Variants in OPCML observed in about 807,000 individuals in gnomAD.
The protein encoded by OPCML is opioid-binding protein/cell adhesion molecule.
Under a neutral mutation model 37.8 loss-of-function variants are expected in OPCML, and 13 were observed. The observed-to-expected ratio is 0.34, with a 90% CI of 0.22 to 0.55. The LOEUF (loss-of-function observed/expected upper bound fraction) is 0.55, where lower values mean the gene tolerates loss of function less well. Ranked by LOEUF, OPCML falls within the 20% of genes least tolerant of loss-of-function variation. The pLI, the probability that OPCML is intolerant of heterozygous loss-of-function variation, is 0.91. For missense variants in OPCML, 341 were observed against 435.6 expected, an observed-to-expected ratio of 0.78 and a Z score of 1.93; for synonymous variants, 176 against 168.8, an observed-to-expected ratio of 1.04 and a Z score of -0.33.
At chr11:133,041,404 A>G (rs1462700063) in intron 1 of OPCML, among the ~76,000 whole-genome samples, 1 of 152,136 alleles carries the variant, frequency 6.6e-6, no homozygotes, top group African/African-American at 2.4e-5. Context: ...CTCTCAATGC[A>G]TTTGCCTCTC....
rs1431711099 is a variant in OPCML at position 133,284,326 on chromosome 11, CTG to C, written c.61+247936_61+247937del. ...CTGTTGCAAGCTCTTACACACAACT[CTG>C]TGTCACGAGAATCACAGCAGGTCTT... On this transcript the variant is annotated intron_variant, in intron 1 of 7. Coordinates refer to ENST00000524381, the MANE Select transcript of OPCML (RefSeq NM_001012393.5). 2.0e-5 allele frequency among the ~76,000 whole-genome samples: 3 copies of C among 152,228 alleles called. No homozygotes were observed. The East Asian group carries it at 5.8e-4, about 29-fold the overall frequency.
rs550589242 is a variant in OPCML, at chr11:132,671,827, A to T, written c.147-14508T>A. 6.4e-4 allele frequency among the ~76,000 whole-genome samples: 98 copies of T among 152,314 alleles called. 1 individual carries two copies. Among genetic ancestry groups the T allele is most frequent in the Non-Finnish European group, 1.2e-3 (79 of 68,030 alleles). On this transcript the variant is annotated intron_variant, in intron 2 of 7. Transcript: ENST00000524381. ...TTGAGAAAGAAAGAGAAGGAGAGAG[A>T]AAAGGAAGAAAAAAAAGAGAAAAAA...
chr11:132,745,580 A>AAAAGAAAG (rs1230655418), intron 2 of OPCML, among the ~76,000 whole-genome samples: 17 of 87,578 alleles, frequency 1.9e-4, no homozygotes, highest in Middle Eastern at 6.5e-3. Context: ...AAAAAAAAAA[A>AAAAGAAAG]AAAGAAAGAA....
chr11:132,686,854 G>A (rs1165290850), intron 2 of OPCML, among the ~76,000 whole-genome samples: 1 of 152,104 alleles, frequency 6.6e-6, no homozygotes, highest in Admixed American at 6.5e-5. Flanking sequence ...CCCATTTTCA[G>A]TGTAAACACT....
chr11:133,251,528 G>A (rs1352213859), intron 1 of OPCML, among the ~76,000 whole-genome samples: 1 of 150,880 alleles, frequency 6.6e-6, no homozygotes, highest in East Asian at 2.0e-4. Context: ...CCCCCTTCAA[G>A]TGTGTACAAG....
chr11:132,757,613 C>A (rs1946101171), intron 2 of OPCML, among the ~76,000 whole-genome samples: 1 of 152,138 alleles, frequency 6.6e-6, no homozygotes, highest in Admixed American at 6.6e-5. Context: ...TGAGAAGTGT[C>A]TGTTCATATC....
chr11:132,916,810 C>T (rs962437282), intron 2 of OPCML, among the ~76,000 whole-genome samples: 4 of 152,200 alleles, frequency 2.6e-5, no homozygotes, highest in Non-Finnish European at 4.4e-5. Context: ...CTCCTCCCTT[C>T]ACAGAGGGGC....
chr11:132,995,964 C>A (rs182985123), intron 1 of OPCML, among the ~76,000 whole-genome samples: 211 of 152,314 alleles, frequency 1.4e-3, no homozygotes, highest in African/African-American at 4.7e-3. Context: ...CTCCTCTGGG[C>A]AGCCCCAGCC....
chr11:132,878,355 C>CAGAT (rs1943099969), intron 2 of OPCML, among the ~76,000 whole-genome samples: 1 of 152,138 alleles, frequency 6.6e-6, no homozygotes, highest in East Asian at 1.9e-4. Context: ...TTTAGTAATG[C>CAGAT]AGATTGCCCT....
chr11:132,651,252 G>A (rs1470895725), intron 3 of OPCML, among the ~76,000 whole-genome samples: 1 of 152,082 alleles, frequency 6.6e-6, no homozygotes, highest in Non-Finnish European at 1.5e-5. Context: ...CCCGGTCTTG[G>A]GTGTTGCTTT....
At chr11:133,004,064 G>A (rs935416560) in intron 1 of OPCML, 8 of 985,274 alleles carry the variant, frequency 8.1e-6, no homozygotes, top group Non-Finnish European at 9.6e-6. Flanking sequence ...AGGAAGCGAA[G>A]AGGCAAAGAG....
chr11:132,497,427 A>AG (rs1220547954), intron 4 of OPCML, among the ~76,000 whole-genome samples: 1 of 152,022 alleles, frequency 6.6e-6, no homozygotes, highest in East Asian at 1.9e-4. Flanking sequence ...AAAAAAAAAA[A>AG]AAAGAAAAAT....
At chr11:132,420,847 G>A (rs545031125) in intron 7 of OPCML, among the ~76,000 whole-genome samples, 6 of 152,298 alleles carry the variant, frequency 3.9e-5, no homozygotes, top group Admixed American at 1.3e-4. Flanking sequence ...TCATCCCCAT[G>A]GGTTTTAAAG....
At chr11:133,214,634 G>A (rs1450652853) in intron 1 of OPCML, among the ~76,000 whole-genome samples, 1 of 152,122 alleles carries the variant, frequency 6.6e-6, no homozygotes, top group Non-Finnish European at 1.5e-5. Flanking sequence ...GCTATTTAAT[G>A]TCCCAGACAC....
At chr11:132,905,318 G>A (rs189384971) in intron 2 of OPCML, among the ~76,000 whole-genome samples, 37 of 136,018 alleles carry the variant, frequency 2.7e-4, no homozygotes, top group African/African-American at 9.4e-4. Flanking sequence ...TGCAATCTCC[G>A]CCTCCCAGAT....
chr11:133,385,949 C>T (rs891632166), intron 1 of OPCML, among the ~76,000 whole-genome samples: 5 of 151,782 alleles, frequency 3.3e-5, no homozygotes, highest in Admixed American at 3.3e-4. Flanking sequence ...CAAGCAGCAG[C>T]TTGCAACACT....
intron 1 of OPCML, among the ~76,000 whole-genome samples, chr11:133,151,015 C>A (rs536987468): frequency 2.0e-5 from 3 of 152,100 alleles, no homozygotes; most frequent in East Asian, 3.9e-4. Context: ...TGGCTCATGC[C>A]TGTAATCCCA....
chr11:133,177,757 A>T lies in OPCML; in HGVS notation c.62-234747T>A, dbSNP rs1937629644. On this transcript the variant is annotated intron_variant, in intron 1 of 7. Coordinates refer to ENST00000524381, the MANE Select transcript of OPCML (RefSeq NM_001012393.5). This position sits in a 1 kb window ranked among gnomAD's most constrained non-coding sequence, Gnocchi z 5.0. ...GCTGCTCGAGCAAATGTGGAATCTC[A>T]TGGAATCGGCCCCACACACTCACCG... Among the ~76,000 whole-genome samples, 1 of 152,180 alleles carries T rather than the reference A, an allele frequency of 6.6e-6. No homozygotes were observed. The highest frequency in any genetic ancestry group is 2.4e-5 in the African/African-American group (1 of 41,438).
intron 1 of OPCML, among the ~76,000 whole-genome samples, chr11:133,462,790 A>G (rs1409921405): frequency 6.6e-6 from 1 of 152,192 alleles, no homozygotes; most frequent in Non-Finnish European, 1.5e-5. Context: ...TCAAAAAATT[A>G]AGCATAAAAT....
Sources: gnomAD v4.1 joint callset for allele counts (sites outside exome capture counted in the v4.1 genomes callset) on GRCh38, gnomAD v4.1.1 for gene constraint, Gnocchi (gnomAD v3.1) non-coding constraint, MANE v1.5 for transcripts, NCBI Gene and HGNC (gene_info 2026-07-23, HGNC 2026-07-21) for gene names.